Variants in DGKI observed in about 807,000 individuals in gnomAD.
The protein encoded by DGKI is diacylglycerol kinase iota.
Under a neutral mutation model 147.5 loss-of-function variants are expected in DGKI, and 55 were observed. The ratio of observed to expected loss-of-function variants is 0.37; its 90% CI spans 0.30 to 0.47. The LOEUF is 0.47. Ranked by LOEUF, DGKI falls within the 20% of genes least tolerant of loss-of-function variation. The pLI is 1.00. For synonymous variants in DGKI, 469 were observed against 477.1 expected (o/e 0.98, Z 0.22); for missense variants, 1,007 against 1,323.8 (o/e 0.76, Z 3.71).
chr7:137,641,499 C>T (rs549818523), intron 6 of DGKI, among the ~76,000 whole-genome samples: 2 of 152,300 alleles, frequency 1.3e-5, no homozygotes, highest in African/African-American at 2.4e-5. Context: ...GTAGTAAAAA[C>T]GTTGTTTCAT....
At chr7:137,635,578 G>T (rs879595729) in intron 6 of DGKI, among the ~76,000 whole-genome samples, 2 of 152,168 alleles carry the variant, frequency 1.3e-5, no homozygotes, top group Non-Finnish European at 1.5e-5. Context: ...TGGCATAGAG[G>T]TGCAGAAGCG....
Position 137,383,068 on chromosome 7 carries a change from C to T in DGKI, c.*8152G>A, listed in dbSNP as rs1314819163. The stretch of plus-strand genomic sequence containing the variant: ...ATATAGAATTTCCCACCCTCTTCTC[C>T]AGTCCTGACTCTACATCCCAAACAA... On this transcript the variant is annotated 3_prime_UTR_variant, in exon 33 of 33. Coordinates refer to ENST00000614521, the MANE Select transcript of DGKI (RefSeq NM_001321708.2). The T allele has an allele frequency of 6.6e-6, 1 of 151,948 alleles. No individual in the cohort carries two copies. The highest frequency in any genetic ancestry group is 1.9e-4 in the East Asian group (1 of 5,134). The allele number at this position is 151,948 out of a possible 1,614,324, so 9.4% of individuals were successfully genotyped here. A position where few individuals can be genotyped will look rare whatever the true frequency, so the allele number is the denominator to read the frequency against.
chr7:137,720,417 C>T (rs1794514881), intron 1 of DGKI, among the ~76,000 whole-genome samples: 1 of 152,002 alleles, frequency 6.6e-6, no homozygotes, highest in African/African-American at 2.4e-5. Context: ...GCCATCGCGC[C>T]TGGCTAATTT....
chr7:137,842,851 A>T lies in DGKI; in HGVS notation c.401+3611T>A, dbSNP rs1432158322. Among the ~76,000 whole-genome samples the T allele has an allele frequency of 3.3e-5, 5 of 152,230 alleles. No homozygotes were observed. In the South Asian group the frequency reaches 8.3e-4, roughly 25 times the overall value. ...CAAAAAAAGGTATGCAATAATATAT[A>T]ATAATAATAATATGTAATGACCTGC... On this transcript the variant is annotated intron_variant, in intron 1 of 32. Transcript: ENST00000614521.
At chr7:137,586,292 G>A (rs893411940) in intron 13 of DGKI, among the ~76,000 whole-genome samples, 7 of 152,108 alleles carry the variant, frequency 4.6e-5, no homozygotes, top group African/African-American at 1.7e-4. Flanking sequence ...GCTGCACAGG[G>A]TGGCGGGCAC....
At chr7:137,543,927 T>C (rs1817784127) in intron 20 of DGKI, among the ~76,000 whole-genome samples, 3 of 152,238 alleles carry the variant, frequency 2.0e-5, no homozygotes, top group Admixed American at 2.0e-4. Flanking sequence ...TATTAACTGA[T>C]TTTTAAAATA....
chr7:137,613,051 T>C (rs904194223), intron 8 of DGKI, among the ~76,000 whole-genome samples: 1 of 152,162 alleles, frequency 6.6e-6, no homozygotes, highest in African/African-American at 2.4e-5. Context: ...TTATGACTCC[T>C]TGCTGGGCTA....
At chr7:137,831,930 G>A (rs906518794) in intron 1 of DGKI, among the ~76,000 whole-genome samples, 9 of 152,304 alleles carry the variant, frequency 5.9e-5, no homozygotes, top group Middle Eastern at 3.4e-3. Flanking sequence ...CAAAACAGAG[G>A]GGCAACAGGC....
In DGKI at chr7:137,631,281, C is replaced by A. The variant is rs543258523; in HGVS notation, c.805-7727G>T. ...GACTTTAAAATTTCCCAGAATTACT[C>A]AGATTGTGCCCCTCCTTGCTTCATG... On this transcript the variant is annotated intron_variant, in intron 6 of 32. Coordinates refer to ENST00000614521, the MANE Select transcript of DGKI (RefSeq NM_001321708.2). Among the ~76,000 whole-genome samples the A allele has an allele frequency of 8.8e-4, 134 of 152,304 alleles. 5 individuals carry two copies. Among genetic ancestry groups the A allele is most frequent in the South Asian group, 6.4e-3 (31 of 4,824 alleles).
chr7:137,494,494 C>A (rs1187775429), intron 21 of DGKI, among the ~76,000 whole-genome samples: 4 of 152,162 alleles, frequency 2.6e-5, no homozygotes, highest in African/African-American at 4.8e-5. Context: ...CCCTACAAGA[C>A]AGAAGAGATT....
At chr7:137,708,916 C>CT (rs1176345473) in intron 1 of DGKI, among the ~76,000 whole-genome samples, 2 of 152,088 alleles carry the variant, frequency 1.3e-5, no homozygotes, top group African/African-American at 4.8e-5. Context: ...TTAAAGGTAC[C>CT]TTTTTCCTAA....
chr7:137,413,744 G>A lies in DGKI; in HGVS notation c.2762-1537C>T, dbSNP rs1812253632. Among the ~76,000 whole-genome samples the A allele has an allele frequency of 3.3e-5, 5 of 152,164 alleles. No homozygotes were observed. The South Asian group carries it at 1.0e-3, about 32-fold the overall frequency. ...ATTGTAAATAGTACTAAGATGAACA[G>A]TGAGTACATATGTGTTTTTGGTAGG... On this transcript the variant is annotated intron_variant, in intron 28 of 32. Transcript: ENST00000614521.
At chr7:137,652,373 A>C (rs1177749740) in intron 5 of DGKI, among the ~76,000 whole-genome samples, 2 of 152,196 alleles carry the variant, frequency 1.3e-5, no homozygotes, top group African/African-American at 4.8e-5. Context: ...CCCTGCCTCC[A>C]CATTGACCTA....
At chr7:137,726,895 G>T (rs146243259) in intron 1 of DGKI, among the ~76,000 whole-genome samples, 20 of 152,202 alleles carry the variant, frequency 1.3e-4, no homozygotes, top group Non-Finnish European at 2.2e-4. Flanking sequence ...AAACTTTTAT[G>T]ACTTTATGGC....
chr7:137,417,700 C>T (rs941291314), intron 28 of DGKI, among the ~76,000 whole-genome samples: 6 of 152,090 alleles, frequency 3.9e-5, no homozygotes, highest in African/African-American at 1.4e-4. Flanking sequence ...AGAGGTGGGG[C>T]CTTTTAGGAA....
intron 28 of DGKI, among the ~76,000 whole-genome samples, chr7:137,438,603 A>T (rs1360916324): frequency 6.6e-6 from 1 of 152,154 alleles, no homozygotes; most frequent in Non-Finnish European, 1.5e-5. Context: ...TACGAGGAAG[A>T]GTTACAAAAA....
intron 20 of DGKI, among the ~76,000 whole-genome samples, chr7:137,526,624 C>T (rs1296609682): frequency 6.6e-6 from 1 of 152,062 alleles, no homozygotes; most frequent in African/African-American, 2.4e-5. Context: ...ACCTTTTACC[C>T]TGAGATGTTG....
intron 12 of DGKI, among the ~76,000 whole-genome samples, chr7:137,594,560 C>G (rs1402928619): frequency 6.6e-6 from 1 of 152,132 alleles, no homozygotes; most frequent in Non-Finnish European, 1.5e-5. Flanking sequence ...TAAGCTTTGT[C>G]ACTTTACTGG....
At chr7:137,427,904 A>T in intron 28 of DGKI, among the ~76,000 whole-genome samples, 3 of 151,250 alleles carry the variant, frequency 2.0e-5, no homozygotes, top group African/African-American at 7.3e-5. Context: ...TTGTGGCAAT[A>T]ATCAATAGCT....
Sources: allele counts gnomAD v4.1 joint callset (sites outside exome capture counted in the v4.1 genomes callset), GRCh38; gene constraint gnomAD v4.1.1; transcripts MANE v1.5; gene names NCBI Gene and HGNC (gene_info 2026-07-23, HGNC 2026-07-21).